The following INTS14 variants were observed in gnomAD, a reference collection of about 807,000 sequenced individuals.
The protein encoded by INTS14 is UPF0464 protein C15orf44.
In INTS14, 27 loss-of-function variants were observed where a neutral mutation model predicts 56.9. That is an observed-to-expected ratio of 0.47 (90% CI 0.35 to 0.65). The LOEUF is 0.65. INTS14 is among the 30% of genes least tolerant of loss of function. The probability of loss-of-function intolerance (pLI) is 0.00; values close to 1 mark genes in which losing one functional copy is unlikely to be tolerated. For missense variants in INTS14, 517 were observed against 632.2 expected (o/e 0.82, Z 1.95); for synonymous variants, 207 against 236.2 (o/e 0.88, Z 1.13).
At chr15:65,609,752 A>C (rs1481820611) in intron 1 of INTS14, among the ~76,000 whole-genome samples, 2 of 152,146 alleles carry the variant, frequency 1.3e-5, no homozygotes, top group Admixed American at 1.3e-4. Flanking sequence ...GCCTTTTTAC[A>C]AGTTGAGGAT....
At chr15:65,606,905 T>C (rs1304566795) in intron 2 of INTS14, among the ~76,000 whole-genome samples, 1 of 152,186 alleles carries the variant, frequency 6.6e-6, no homozygotes, top group Non-Finnish European at 1.5e-5. Context: ...GATGCTCACT[T>C]TTCCACAGAG....
At chr15:65,606,566 C>A (rs2073662930) in intron 2 of INTS14, among the ~76,000 whole-genome samples, 1 of 152,084 alleles carries the variant, frequency 6.6e-6, no homozygotes, top group East Asian at 1.9e-4. Flanking sequence ...ACAAACACTT[C>A]TTGACTGCTC....
rs755204948 is a variant in INTS14 at position 65,605,234 on chromosome 15, T to C, written c.225A>G (p.Glu75=). The C allele has an allele frequency of 6.2e-7, 1 of 1,609,426 alleles. No homozygotes were observed. Among genetic ancestry groups the C allele is most frequent in the Admixed American group, 1.7e-5 (1 of 59,926 alleles). ...PFTRDYNTLQ[E]ALSNMDDYDK... is the part of the protein sequence containing the mutation. The stretch of plus-strand genomic sequence containing the variant: ...CATAATCATCCATATTACTTAGTGC[T>C]TCCTTATTGAATAAAAGATAAAATT... Residue 75 remains glutamate (E), a splice_region_variant and synonymous_variant, in exon 3 of 12, where the codon GAA becomes GAG. Transcript: ENST00000313182.
intron 9 of INTS14, among the ~76,000 whole-genome samples, chr15:65,587,971 G>C (rs1197498116): frequency 6.6e-6 from 1 of 151,990 alleles, no homozygotes; most frequent in East Asian, 1.9e-4. Context: ...GTGAGACCCT[G>C]TCTCAAAAAA....
At chr15:65,589,698 A>AT (rs1329033540) in intron 9 of INTS14, among the ~76,000 whole-genome samples, 1 of 151,266 alleles carries the variant, frequency 6.6e-6, no homozygotes, top group African/African-American at 2.4e-5. Context: ...CTATGAGCTC[A>AT]TTTTTTTTCA....
Position 65,592,053 on chromosome 15 carries a change from ATAG to A in INTS14, c.987-325_987-323del, listed in dbSNP as rs1005707587. Among the ~76,000 whole-genome samples the A allele has an allele frequency of 5.9e-5, 9 of 152,352 alleles. No individual in the cohort carries two copies. The South Asian group carries it at 6.2e-4, about 11-fold the overall frequency. On this transcript the variant is annotated intron_variant, in intron 8 of 11. Coordinates refer to ENST00000313182, the MANE Select transcript of INTS14 (RefSeq NM_001394796.1). ...TGAGGAGGGGTAAAGGCTGTGACCT[ATAG>A]GTCCTGTCACCTGCCTCACTGAGTC... is the stretch of plus-strand genomic sequence containing the variant.
At chr15:65,598,573 C>G (rs570022012) in intron 5 of INTS14, 110 bp from the exon 6 acceptor site, 1 of 1,137,312 alleles carries the variant, frequency 8.8e-7, no homozygotes, top group South Asian at 1.7e-5. Context: ...AAACTAAGAT[C>G]TGACCATCTG....
At chr15:65,585,165 C>T (rs1033362680) in intron 9 of INTS14, among the ~76,000 whole-genome samples, 2 of 151,892 alleles carry the variant, frequency 1.3e-5, no homozygotes, top group Non-Finnish European at 2.9e-5. Flanking sequence ...AAAACAAATA[C>T]ATATTTAAAA....
chr15:65,610,812 G>T (rs2141351790), intron 1 of INTS14: 9 of 1,535,136 alleles, frequency 5.9e-6, no homozygotes, highest in Admixed American at 2.0e-5. Flanking sequence ...AATCAGTCAA[G>T]AAAATGTGGG....
intron 9 of INTS14, among the ~76,000 whole-genome samples, chr15:65,587,758 T>C (rs575304259): frequency 1.6e-4 from 24 of 152,140 alleles, no homozygotes; most frequent in Middle Eastern, 6.8e-3. Context: ...AGGTGGAGGA[T>C]TGCTTTAGCC....
At chr15:65,606,699 CAACT>C (rs1253394450) in intron 2 of INTS14, among the ~76,000 whole-genome samples, 3 of 152,162 alleles carry the variant, frequency 2.0e-5, no homozygotes, top group South Asian at 4.1e-4. Context: ...TAATATCTAC[CAACT>C]GAGATTTAAA....
intron 1 of INTS14, among the ~76,000 whole-genome samples, chr15:65,609,068 T>C (rs1387652175): frequency 2.0e-5 from 3 of 152,150 alleles, no homozygotes; most frequent in Non-Finnish European, 2.9e-5. Flanking sequence ...TACAGGCGCG[T>C]GTCACCACAC....
chr15:65,610,584 G>A (rs6494529), intron 1 of INTS14: 640,359 of 1,340,974 alleles, frequency 0.48, 162,231 homozygotes, highest in African/African-American at 0.87. Flanking sequence ...CTAGACGTTT[G>A]TAATTCTTCC....
At chr15:65,580,929 C>A (rs2072582433) in intron 11 of INTS14, among the ~76,000 whole-genome samples, 1 of 152,170 alleles carries the variant, frequency 6.6e-6, no homozygotes, top group African/African-American at 2.4e-5. Flanking sequence ...TGTTAGATAT[C>A]ATTCCTAGAA....
chr15:65,600,699 G>A (rs2073401529), intron 3 of INTS14, among the ~76,000 whole-genome samples: 1 of 151,888 alleles, frequency 6.6e-6, no homozygotes, highest in Non-Finnish European at 1.5e-5. Flanking sequence ...ATTTTGTGAG[G>A]TGCTAGAACC....
intron 7 of INTS14, among the ~76,000 whole-genome samples, chr15:65,593,868 TA>T (rs1451432829): frequency 2.6e-5 from 4 of 152,144 alleles, no homozygotes; most frequent in Non-Finnish European, 5.9e-5. Context: ...TGGGAGTTGA[TA>T]GTTAAAGGGT....
At chr15:65,608,937 G>A (rs1398258784) in intron 1 of INTS14, among the ~76,000 whole-genome samples, 2 of 152,054 alleles carry the variant, frequency 1.3e-5, no homozygotes, top group African/African-American at 4.8e-5. Context: ...GACATCTGTC[G>A]CCCAGGCTGG....
intron 9 of INTS14, 66 bp downstream of exon 9, chr15:65,591,532 C>A (rs989565727): frequency 2.5e-6 from 4 of 1,575,826 alleles, no homozygotes; most frequent in Non-Finnish European, 3.4e-6. Context: ...ACTGCACAGT[C>A]AGAGACATTG....
At chr15:65,590,941 T>C (rs577512002) in intron 9 of INTS14, among the ~76,000 whole-genome samples, 2 of 152,114 alleles carry the variant, frequency 1.3e-5, no homozygotes, top group Non-Finnish European at 2.9e-5. Flanking sequence ...AATAGGTCTG[T>C]AACAAACAGC....
Sources: allele counts gnomAD v4.1 joint callset (sites outside exome capture counted in the v4.1 genomes callset), GRCh38; gene constraint gnomAD v4.1.1; transcripts MANE v1.5; gene names NCBI Gene and HGNC (gene_info 2026-07-23, HGNC 2026-07-21).